The following DOCK3 variants were observed in gnomAD, a reference collection of about 807,000 sequenced individuals.
DOCK3 encodes the protein dedicator of cytokinesis protein 3.
Under a neutral mutation model 265.6 loss-of-function variants are expected in DOCK3, and 60 were observed. The observed-to-expected ratio is 0.23, with a 90% CI of 0.18 to 0.28. DOCK3 has a LOEUF of 0.28. Among genes scored for constraint, DOCK3 ranks in the 10% least tolerant of loss-of-function variants. The pLI is 1.00. For missense variants in DOCK3, 1,981 were observed against 2,594.3 expected, an observed-to-expected ratio of 0.76 and a Z score of 5.14; for synonymous variants, 881 against 938.0, an observed-to-expected ratio of 0.94 and a Z score of 1.11.
chr3:51,012,589 G>A (rs565678988), intron 5 of DOCK3, among the ~76,000 whole-genome samples: 24 of 152,212 alleles, frequency 1.6e-4, no homozygotes, highest in African/African-American at 4.1e-4. Context: ...GACCCCTTGC[G>A]CTTCCTGGGT....
chr3:51,010,989 A>G (rs906476516), intron 5 of DOCK3, among the ~76,000 whole-genome samples: 3 of 152,054 alleles, frequency 2.0e-5, no homozygotes, highest in East Asian at 1.9e-4. Context: ...CGAGAGATCC[A>G]CTGTTAGTCT....
intron 5 of DOCK3, among the ~76,000 whole-genome samples, chr3:51,014,079 C>T (rs537476144): frequency 6.6e-6 from 1 of 152,292 alleles, no homozygotes; most frequent in East Asian, 1.9e-4. Flanking sequence ...TCAAGGCTTC[C>T]CTTGGCTAGG....
At position 50,952,294 on chromosome 3, in the gene DOCK3, G is replaced by A. The variant is rs1398116669; in HGVS notation, c.315+18217G>A. 3.3e-5 allele frequency among the ~76,000 whole-genome samples: 5 copies of A among 152,216 alleles called. No individual in the cohort carries two copies. The East Asian group carries it at 5.8e-4, about 18-fold the overall frequency. ...AAAGTGATTGTTTCAGGTGTCAAAT[G>A]TTCTAAAACTTTGGATCAAAAACAT... On this transcript the variant is annotated intron_variant, in intron 5 of 52. Transcript: ENST00000266037.
chr3:50,970,752 G>A (rs1206563637), intron 5 of DOCK3, among the ~76,000 whole-genome samples: 3 of 143,312 alleles, frequency 2.1e-5, no homozygotes, highest in Non-Finnish European at 4.6e-5. Flanking sequence ...TTTAAAACAG[G>A]GTATCACTCT....
intron 6 of DOCK3, among the ~76,000 whole-genome samples, chr3:51,067,587 CTTCTT>C (rs1447998625): frequency 6.6e-6 from 1 of 151,964 alleles, no homozygotes; most frequent in South Asian, 2.1e-4. Flanking sequence ...TACTTTCCGT[CTTCTT>C]TTCTTCTCCT....
chr3:51,296,722 C>T (rs1021637024), intron 27 of DOCK3, among the ~76,000 whole-genome samples: 6 of 151,944 alleles, frequency 3.9e-5, no homozygotes, highest in Non-Finnish European at 8.8e-5. Flanking sequence ...GTGATCCGCC[C>T]GCCTTGGCCT....
intron 46 of DOCK3, among the ~76,000 whole-genome samples, chr3:51,358,656 G>A (rs1488213772): frequency 6.6e-6 from 1 of 152,158 alleles, no homozygotes; most frequent in Non-Finnish European, 1.5e-5. Flanking sequence ...GATAGCCTAG[G>A]ATGAGCAGTA....
intron 2 of DOCK3, chr3:50,786,770 C>T (rs2042205365): frequency 2.7e-6 from 2 of 739,236 alleles, no homozygotes; most frequent in Non-Finnish European, 5.1e-6. Context: ...CTTGCCACAC[C>T]ACTGGCACAT....
At position 51,146,445 on chromosome 3, in the gene DOCK3, A is replaced by G. The variant is rs888857936; in HGVS notation, c.747-104A>G. The stretch of plus-strand genomic sequence containing the variant: ...GTTTTTGGCCTTGCTTGTCACTGCA[A>G]GCTGTTATGTAAATATGTTTAGTGT... On this transcript the variant is annotated intron_variant, in intron 9 of 52. Transcript: ENST00000266037. The G allele has an allele frequency of 3.6e-5, 44 of 1,221,240 alleles. No individual in the cohort carries two copies. The African/African-American group carries it at 4.4e-4, about 12-fold the overall frequency. 75.7% of individuals were successfully genotyped at this position (1,221,240 alleles called of 1,614,324 possible).
chr3:51,147,507 C>G lies in DOCK3; in HGVS notation c.828+877C>G, dbSNP rs1232736723. Among the ~76,000 whole-genome samples, 4 of 152,150 alleles carry G rather than the reference C, an allele frequency of 2.6e-5. No homozygotes were observed. In the South Asian group the frequency reaches 8.3e-4, roughly 32 times the overall value. On this transcript the variant is annotated intron_variant, in intron 10 of 52. Transcript: ENST00000266037. ...CCCTCCCCCTGACCCCACACCACAA[C>G]AGGCCCCCATGTGTGATGTTCCCTG...
intron 5 of DOCK3, among the ~76,000 whole-genome samples, chr3:51,021,661 C>CTTTTTTTTTTTT (rs61097732): frequency 2.8e-5 from 4 of 142,818 alleles, no homozygotes; most frequent in South Asian, 2.2e-4. Flanking sequence ...GGAGAACTTC[C>CTTTTTTTTTTTT]TTTTTTTTTT....
At chr3:50,706,334 A>G (rs542465995) in intron 1 of DOCK3, among the ~76,000 whole-genome samples, 4 of 152,210 alleles carry the variant, frequency 2.6e-5, no homozygotes, top group South Asian at 2.1e-4. Flanking sequence ...AAAGACTTTT[A>G]TTTCTATTTT....
At position 51,381,652 on chromosome 3, in the gene DOCK3, A is replaced by G; in HGVS notation, c.*93A>G. 1 of 1,426,874 alleles carries G rather than the reference A, an allele frequency of 7.0e-7. No individual in the cohort carries two copies. The highest frequency in any genetic ancestry group is 2.5e-5 in the East Asian group (1 of 39,970). 88.4% of individuals were successfully genotyped at this position (1,426,874 alleles called of 1,614,324 possible). ...CAAGTCCCCCAGCCCCACCCCAGGGAGCCAGAGAGGCTTGCACTCAGGAGA... is the reference window on the plus strand; with the variant it reads ...CAAGTCCCCCAGCCCCACCCCAGGGGGCCAGAGAGGCTTGCACTCAGGAGA... On this transcript the variant is annotated 3_prime_UTR_variant, in exon 53 of 53. Coordinates refer to ENST00000266037, the MANE Select transcript of DOCK3 (RefSeq NM_004947.5). This position sits in a 1 kb window ranked among gnomAD's most constrained non-coding sequence, Gnocchi z 5.6.
intron 5 of DOCK3, among the ~76,000 whole-genome samples, chr3:51,056,483 C>T (rs914029022): frequency 4.6e-5 from 7 of 152,076 alleles, no homozygotes; most frequent in South Asian, 2.1e-4. Flanking sequence ...GTCCTGACCT[C>T]GTGATCCACC....
intron 32 of DOCK3, among the ~76,000 whole-genome samples, chr3:51,316,604 C>T (rs572453293): frequency 2.6e-4 from 40 of 152,150 alleles, no homozygotes; most frequent in Admixed American, 5.2e-4. Flanking sequence ...TCGATTGCTC[C>T]GCATACTAAC....
intron 9 of DOCK3, among the ~76,000 whole-genome samples, chr3:51,108,232 G>A (rs2083371381): frequency 1.3e-5 from 2 of 152,012 alleles, no homozygotes; most frequent in South Asian, 4.2e-4. Context: ...TGCCATGCTG[G>A]TATCATCATT....
intron 10 of DOCK3, among the ~76,000 whole-genome samples, chr3:51,146,943 A>G (rs1333146170): frequency 2.0e-5 from 3 of 152,074 alleles, no homozygotes; most frequent in Non-Finnish European, 2.9e-5. Flanking sequence ...CCAAAACCCA[A>G]TCTGTAGAAA....
intron 9 of DOCK3, among the ~76,000 whole-genome samples, chr3:51,090,958 G>A (rs1012418455): frequency 2.0e-5 from 3 of 152,182 alleles, no homozygotes; most frequent in Admixed American, 6.5e-5. Context: ...TATATTATAT[G>A]TGGGAAAATT....
intron 5 of DOCK3, among the ~76,000 whole-genome samples, chr3:51,020,744 G>C (rs773701588): frequency 7.9e-5 from 12 of 151,890 alleles, no homozygotes; most frequent in Admixed American, 7.2e-4. Context: ...CCTGTTACTT[G>C]TTTTTGTCAG....
Sources: allele counts gnomAD v4.1 joint callset (sites outside exome capture counted in the v4.1 genomes callset), GRCh38; gene constraint gnomAD v4.1.1; non-coding constraint Gnocchi (gnomAD v3.1); transcripts MANE v1.5; gene names NCBI Gene and HGNC (gene_info 2026-07-23, HGNC 2026-07-21).